Variants in RIT2 observed in about 807,000 individuals in gnomAD.
RIT2 encodes GTP-binding protein Rit2.
A neutral mutation model predicts 23.7 loss-of-function variants in RIT2; 24 were observed. The observed-to-expected ratio is 1.01, with a 90% confidence interval of 0.73 to 1.43. The LOEUF is 1.43. Among genes scored for constraint, RIT2 ranks in the 40% most tolerant of loss-of-function variants. The pLI, the probability that RIT2 is intolerant of heterozygous loss-of-function variation, is 0.00. For missense variants in RIT2, 236 were observed against 266.9 expected (o/e 0.88, Z 0.81); for synonymous variants, 107 against 91.1 (o/e 1.17, Z -0.99).
intron 2 of RIT2, among the ~76,000 whole-genome samples, chr18:43,012,168 G>A (rs867646473): frequency 2.4e-4 from 37 of 151,832 alleles, no homozygotes; most frequent in African/African-American, 7.5e-4. Context: ...TTTTTCAGAT[G>A]GTGTGACCTA....
At chr18:43,005,485 C>T (rs1911206289) in intron 2 of RIT2, among the ~76,000 whole-genome samples, 1 of 151,756 alleles carries the variant, frequency 6.6e-6, no homozygotes, top group African/African-American at 2.4e-5. Context: ...AACAAATGCA[C>T]ATCTATTTTC....
At chr18:43,106,039 T>C (rs1913813969) in intron 1 of RIT2, among the ~76,000 whole-genome samples, 1 of 152,212 alleles carries the variant, frequency 6.6e-6, no homozygotes, top group African/African-American at 2.4e-5. Flanking sequence ...CTGAGTGAAT[T>C]ACTCACCATC....
intron 4 of RIT2, among the ~76,000 whole-genome samples, chr18:42,765,910 G>C (rs1033793885): frequency 6.6e-6 from 1 of 151,978 alleles, no homozygotes; most frequent in African/African-American, 2.4e-5. Flanking sequence ...GATCTAGTGG[G>C]CTTATCGGGG....
intron 3 of RIT2, among the ~76,000 whole-genome samples, chr18:42,963,063 T>G (rs1241379089): frequency 1.3e-5 from 2 of 152,178 alleles, no homozygotes; most frequent in African/African-American, 4.8e-5. Flanking sequence ...TCCACGTTCC[T>G]TGAATAGGAG....
chr18:42,782,526 A>C (rs1455561078), intron 4 of RIT2, among the ~76,000 whole-genome samples: 3 of 152,166 alleles, frequency 2.0e-5, no homozygotes, highest in Non-Finnish European at 4.4e-5. Context: ...TATATAGATA[A>C]GTAGGTGGAA....
chr18:42,900,142 G>A (rs1908436245), intron 4 of RIT2, among the ~76,000 whole-genome samples: 1 of 152,020 alleles, frequency 6.6e-6, no homozygotes, highest in African/African-American at 2.4e-5. Flanking sequence ...GTGTGATTAA[G>A]AAATTTAAGA....
At chr18:42,888,235 G>A (rs1404109316) in intron 4 of RIT2, among the ~76,000 whole-genome samples, 2 of 151,630 alleles carry the variant, frequency 1.3e-5, no homozygotes, top group Non-Finnish European at 2.9e-5. Context: ...ATTGTGTGGG[G>A]GAAGGCAGAA....
intron 4 of RIT2, among the ~76,000 whole-genome samples, chr18:42,811,836 A>C (rs1905857053): frequency 2.0e-5 from 3 of 152,144 alleles, no homozygotes; most frequent in Admixed American, 2.0e-4. Flanking sequence ...GAAGAAATAA[A>C]TGAGCAAATA....
intron 3 of RIT2, 129 bp from the exon 4 acceptor site, chr18:42,923,892 GATTTC>G (rs2144134667): frequency 2.8e-6 from 2 of 724,182 alleles, no homozygotes; most frequent in Non-Finnish European, 4.2e-6. Context: ...AATCATAGGA[GATTTC>G]ATTTATGAGA....
chr18:42,835,771 C>T (rs1906585157), intron 4 of RIT2, among the ~76,000 whole-genome samples: 1 of 151,896 alleles, frequency 6.6e-6, no homozygotes, highest in Admixed American at 6.6e-5. Flanking sequence ...AAATTAAACT[C>T]TTTAAAGAGT....
intron 4 of RIT2, among the ~76,000 whole-genome samples, chr18:42,881,178 A>C (rs551291): frequency 0.26 from 40,166 of 152,010 alleles, 6,971 homozygotes; most frequent in African/African-American, 0.49. Flanking sequence ...GTTAATGGTA[A>C]CACAACCTAC....
At chr18:42,909,791 A>G (rs981773674) in intron 4 of RIT2, among the ~76,000 whole-genome samples, 3 of 152,106 alleles carry the variant, frequency 2.0e-5, no homozygotes, top group Admixed American at 6.6e-5. Flanking sequence ...AAACTAAAAA[A>G]AAAAATTATA....
intron 1 of RIT2, among the ~76,000 whole-genome samples, chr18:43,045,240 T>C (rs187662810): frequency 1.3e-5 from 2 of 152,172 alleles, no homozygotes; most frequent in East Asian, 3.9e-4. Flanking sequence ...ATTACTGGAG[T>C]CTCATCTACA....
chr18:42,819,060 A>T (rs1906075051), intron 4 of RIT2, among the ~76,000 whole-genome samples: 1 of 152,096 alleles, frequency 6.6e-6, no homozygotes, highest in Non-Finnish European at 1.5e-5. Flanking sequence ...CATTTGCTCA[A>T]GAATATGAAA....
chr18:43,073,013 C>G (rs1021673142), intron 1 of RIT2, among the ~76,000 whole-genome samples: 1 of 152,104 alleles, frequency 6.6e-6, no homozygotes, highest in Non-Finnish European at 1.5e-5. Flanking sequence ...TCAACGGATC[C>G]CATGTGTCTG....
chr18:43,089,914 T>C (rs1913380811), intron 1 of RIT2, among the ~76,000 whole-genome samples: 1 of 152,080 alleles, frequency 6.6e-6, no homozygotes, highest in Non-Finnish European at 1.5e-5. Flanking sequence ...GATTTAAATA[T>C]ACATCCAAAA....
intron 4 of RIT2, among the ~76,000 whole-genome samples, chr18:42,813,237 C>G (rs533240604): frequency 2.0e-5 from 3 of 152,026 alleles, no homozygotes; most frequent in Non-Finnish European, 2.9e-5. Flanking sequence ...AATAGGTTCT[C>G]TTATTAAAAT....
chr18:43,101,222 G>A (rs991364078), intron 1 of RIT2, among the ~76,000 whole-genome samples: 6 of 152,014 alleles, frequency 3.9e-5, no homozygotes, highest in African/African-American at 1.5e-4. Flanking sequence ...GCTAAGAGTA[G>A]AATTGCTAAA....
intron 4 of RIT2, among the ~76,000 whole-genome samples, chr18:42,745,147 A>T (rs1912888439): frequency 1.3e-5 from 2 of 152,174 alleles, no homozygotes; most frequent in African/African-American, 4.8e-5. Context: ...TATAGCTGGT[A>T]CTAACATTCC....
Sources: allele counts gnomAD v4.1 joint callset (sites outside exome capture counted in the v4.1 genomes callset), GRCh38; gene constraint gnomAD v4.1.1; transcripts MANE v1.5; gene names NCBI Gene and HGNC (gene_info 2026-07-23, HGNC 2026-07-21).